Variants in CTRB2 observed in about 807,000 individuals in gnomAD.
The protein encoded by CTRB2 is chymotrypsin B2.
In CTRB2, 9 loss-of-function variants were observed where a neutral mutation model predicts 19.3. The ratio of observed to expected loss-of-function variants is 0.47; its 90% CI spans 0.28 to 0.81. The LOEUF is 0.81. CTRB2 is among the 40% of genes least tolerant of loss of function. The probability of loss-of-function intolerance (pLI) is 0.11; values close to 1 mark genes in which losing one functional copy is unlikely to be tolerated. For missense variants in CTRB2, 210 were observed against 269.7 expected (o/e 0.78, Z 1.55); for synonymous variants, 98 against 117.3 (o/e 0.84, Z 1.06).
intron 1 of CTRB2, 109 bp downstream of exon 1, chr16:75,206,981 C>T (rs2038903208): frequency 1.5e-5 from 16 of 1,074,710 alleles, no homozygotes; most frequent in Non-Finnish European, 2.1e-5. Context: ...CAGGCCCACA[C>T]TGCGGTGCAC....
chr16:75,207,060 C>A, intron 1 of CTRB2, 30 bp downstream of exon 1: 1 of 1,549,446 alleles, frequency 6.5e-7, no homozygotes, highest in South Asian at 1.2e-5. Flanking sequence ...AGGAGAAAAC[C>A]CTTCGGCCTC....
rs1390317954 is a variant in CTRB2 at position 75,204,235 on chromosome 16, T to C, written c.718A>G (p.Thr240Ala). ...IVSWGSRTCS[T>A]TTPAVYARVA... ...CGGGCGTACACAGCGGGCGTGGTGG[T>C]AGAGCAGGTGCGGCTGCCCCAGGAC... The change falls in exon 7 of 7, where the codon ACC becomes GCC. Residue 240 changes from threonine (T) to alanine (A), a missense_variant. By Grantham distance (58) the Thr-to-Ala change is moderately conservative. This residue lies in a region of CTRB2 where 120 missense variants were observed against 90.8 expected (regional missense o/e 1.32). Coordinates refer to ENST00000303037, the MANE Select transcript of CTRB2 (RefSeq NM_001025200.4). 2 of 1,613,948 alleles carry C rather than the reference T, an allele frequency of 1.2e-6. No individual in the cohort carries two copies. Among genetic ancestry groups the C allele is most frequent in the Admixed American group, 1.7e-5 (1 of 59,986 alleles).
intron 1 of CTRB2, chr16:75,206,716 C>T: frequency 8.0e-6 from 3 of 373,654 alleles, no homozygotes; most frequent in Non-Finnish European, 1.5e-5. Flanking sequence ...GGTGCCAAGC[C>T]CCAGCTGCCC....
intron 1 of CTRB2, chr16:75,206,764 CTGTT>C (rs990628422): frequency 3.8e-5 from 16 of 416,524 alleles, no homozygotes; most frequent in Middle Eastern, 7.5e-4. Context: ...GGGCCGCTGA[CTGTT>C]TGGGGGTTTC....
chr16:75,204,386 C>A, intron 6 of CTRB2, 64 bp from the exon 7 acceptor site: 2 of 1,507,864 alleles, frequency 1.3e-6, no homozygotes, highest in Non-Finnish European at 1.8e-6. Flanking sequence ...GGGACCCTGA[C>A]CTGGTGGAGT....
chr16:75,204,428 G>A (rs373017277), intron 6 of CTRB2, 106 bp from the exon 7 acceptor site: 26 of 1,125,974 alleles, frequency 2.3e-5, no homozygotes, highest in Non-Finnish European at 2.8e-5. Flanking sequence ...TGGTAAGCAT[G>A]GGCATAGGGG....
In CTRB2 at chr16:75,206,141, C is replaced by T; in HGVS notation, c.105G>A (p.Val35=). The change falls in exon 2 of 7, where the codon GTG becomes GTA. Residue 35 remains valine, a synonymous_variant. Coordinates refer to ENST00000303037, the MANE Select transcript of CTRB2 (RefSeq NM_001025200.4). ...AGCCGGGGACGGCGTCCTCCCCATT[C>T]ACGATCCTGGACAGGCCGCTGAGCA... ...HPVLSGLSRI[V]NGEDAVPGSW... is the part of the protein sequence containing the mutation. 1 of 1,547,850 alleles carries T rather than the reference C, an allele frequency of 6.5e-7. No individual in the cohort carries two copies. The highest frequency in any genetic ancestry group is 2.0e-5 in the Admixed American group (1 of 50,894).
At position 75,204,814 on chromosome 16, in the gene CTRB2, C is replaced by T. The variant is rs565487383; in HGVS notation, c.589G>A (p.Val197Met). Residue 197 changes from valine (V) to methionine (M), a missense_variant, in exon 6 of 7, where the codon GTG becomes ATG. Physicochemically the swap from Val to Met is conservative, Grantham distance 21. Coordinates refer to ENST00000303037, the MANE Select transcript of CTRB2 (RefSeq NM_001025200.4). ...CCACTGGCCCCGGCACAGATCATCA[C>T]GTCGGTGATCCTCCTGCCCCAGGAC... Reference protein sequence around the residue: ...KKSWGRRITDVMICAGASGVS... With the variant: ...KKSWGRRITDMMICAGASGVS... The T allele has an allele frequency of 5.7e-5, 81 of 1,411,908 alleles. 2 individuals are homozygous for T. The African/African-American group carries it at 7.8e-4, about 14-fold the overall frequency. 87.5% of individuals were successfully genotyped at this position (1,411,908 alleles called of 1,614,324 possible).
At chr16:75,204,946 C>T (rs1329253343) in intron 5 of CTRB2, 40 bp from the exon 6 acceptor site, 3 of 715,178 alleles carry the variant, frequency 4.2e-6, no homozygotes, top group Non-Finnish European at 6.4e-6. Context: ...TGGGCTCACT[C>T]AGCCAAGAGT....
At chr16:75,206,243 AT>A in intron 1 of CTRB2, 50 bp from the exon 2 acceptor site, 3 of 1,518,322 alleles carry the variant, frequency 2.0e-6, no homozygotes, top group Non-Finnish European at 2.7e-6. Context: ...CCAGGTCCTA[AT>A]GCTCCAGCCT....
Position 75,206,606 on chromosome 16 carries a change from G to T in CTRB2, c.53-413C>A, listed in dbSNP as rs193175706. The T allele has an allele frequency of 9.8e-4, 300 of 307,442 alleles. 1 individual carries two copies. The highest frequency in any genetic ancestry group is 3.0e-3 in the Middle Eastern group (3 of 992). 19.0% of individuals were successfully genotyped at this position (307,442 alleles called of 1,614,324 possible). ...TGACCTCACAGGTTTGGTAGAGTGA[G>T]CAGGCAGAGCGCCAGCTCTGCGCCT... On this transcript the variant is annotated intron_variant, in intron 1 of 6. Transcript: ENST00000303037.
chr16:75,206,745 C>G (rs2151363496), intron 1 of CTRB2: 1 of 396,948 alleles, frequency 2.5e-6, no homozygotes, highest in Admixed American at 3.7e-5. Flanking sequence ...ACCACCCAAA[C>G]CTGTGCTGGG....
chr16:75,207,071 C>T lies in CTRB2; in HGVS notation c.52+19G>A, dbSNP rs373614743. The T allele has an allele frequency of 3.3e-4, 513 of 1,551,620 alleles. No individual in the cohort carries two copies. The highest frequency in any genetic ancestry group is 1.5e-3 in the African/African-American group (112 of 73,402). On this transcript the variant is annotated intron_variant, in intron 1 of 6. Coordinates refer to ENST00000303037, the MANE Select transcript of CTRB2 (RefSeq NM_001025200.4). ...TGAGAGGAGAAAACCCTTCGGCCTC[C>T]GCAGGGCCTGGCACTCACCGAAGGT...
chr16:75,204,247 G>A lies in CTRB2; in HGVS notation c.706C>T (p.Arg236Cys), dbSNP rs746390962. The change falls in exon 7 of 7, where the codon CGC becomes TGC. Residue 236 changes from arginine to cysteine, a missense_variant. Around this residue, in one of 4 missense-constraint regions of CTRB2, gnomAD observed 120 missense variants for 90.8 expected, o/e 1.32. Transcript: ENST00000303037. ...GCGGGCGTGGTGGTAGAGCAGGTGC[G>A]GCTGCCCCAGGACACAATGCCCACC... ...TLVGIVSWGS[R>C]TCSTTTPAVY... 26 of 1,613,962 alleles carry A rather than the reference G, an allele frequency of 1.6e-5. No individual in the cohort carries two copies. The highest frequency in any genetic ancestry group is 6.7e-5 in the African/African-American group (5 of 74,902).
chr16:75,204,502 G>A (rs577372249), intron 6 of CTRB2, among the ~76,000 whole-genome samples, 180 bp from the exon 7 acceptor site: 1 of 152,136 alleles, frequency 6.6e-6, no homozygotes, highest in Non-Finnish European at 1.5e-5. Context: ...CACTCTTGGA[G>A]GGAGCTGGGG....
At position 75,204,410 on chromosome 16, in the gene CTRB2, C is replaced by T. The variant is rs555318058; in HGVS notation, c.631-88G>A. 1.1e-4 allele frequency: 150 copies of T among 1,326,354 alleles called. 1 individual carries two copies. The highest frequency in any genetic ancestry group is 2.7e-4 in the Admixed American group (13 of 48,240). The allele number at this position is 1,326,354 out of a possible 1,614,324, so 82.2% of individuals were successfully genotyped here. On this transcript the variant is annotated intron_variant, in intron 6 of 6. Coordinates refer to ENST00000303037, the MANE Select transcript of CTRB2 (RefSeq NM_001025200.4). ...ACCTGGTGGAGTCTAGGGAGGGGTG[C>T]GGAGAAATGGTAAGCATGGGCATAG...
rs376408035 is a variant in CTRB2, at chr16:75,204,112, G to C, written c.*49C>G. On this transcript the variant is annotated 3_prime_UTR_variant, in exon 7 of 7. Coordinates refer to ENST00000303037, the MANE Select transcript of CTRB2 (RefSeq NM_001025200.4). Reference sequence around the variant, plus strand: ...GCAGTGCAGTCAGGGCTTCTAAACAGATGCATTTAATGGGAAATCTTAAGG... The same window carrying C: ...GCAGTGCAGTCAGGGCTTCTAAACACATGCATTTAATGGGAAATCTTAAGG... 1.9e-6 allele frequency: 3 copies of C among 1,611,906 alleles called. No homozygotes were observed. The highest frequency in any genetic ancestry group is 2.2e-5 in the South Asian group (2 of 91,036).
In CTRB2 at chr16:75,204,764, C is replaced by T. The variant is rs1412497559; in HGVS notation, c.630+9G>A. On this transcript the variant is annotated intron_variant, in intron 6 of 6. Transcript: ENST00000303037. ...CGCCTGGCCAGGGCCTGGGCAGGGC[C>T]AGCCTCACCATGCAGGAGGAGACGC... 1 of 1,339,332 alleles carries T rather than the reference C, an allele frequency of 7.5e-7. No homozygotes were observed. The highest frequency in any genetic ancestry group is 2.6e-5 in the East Asian group (1 of 38,626). The allele number at this position is 1,339,332 out of a possible 1,614,324, so 83.0% of individuals were successfully genotyped here.
chr16:75,206,860 A>G, intron 1 of CTRB2: 1 of 538,460 alleles, frequency 1.9e-6, no homozygotes, highest in Non-Finnish European at 3.4e-6. Flanking sequence ...GCTGGGGGTG[A>G]GGAAGGGGAG....
Sources: allele counts gnomAD v4.1 joint callset (sites outside exome capture counted in the v4.1 genomes callset), GRCh38; gene constraint gnomAD v4.1.1; regional missense constraint gnomAD v4.1.1; transcripts MANE v1.5; gene names NCBI Gene and HGNC (gene_info 2026-07-23, HGNC 2026-07-21).